The following LUZP2 variants were observed in gnomAD, a reference collection of about 807,000 sequenced individuals.
The protein encoded by LUZP2 is leucine zipper protein 2.
Under a neutral mutation model 51.6 loss-of-function variants are expected in LUZP2, and 52 were observed. The ratio of observed to expected loss-of-function variants is 1.01; its 90% confidence interval spans 0.81 to 1.27. LUZP2 has a LOEUF of 1.27. LUZP2 is among the 50% of genes most tolerant of loss of function. The pLI, the probability that LUZP2 is intolerant of heterozygous loss-of-function variation, is 0.00. For synonymous variants in LUZP2, 154 were observed against 137.3 expected (o/e 1.12, Z -0.85); for missense variants, 436 against 395.4 (o/e 1.10, Z -0.87).
At chr11:25,060,500 T>C (rs1287457341) in intron 10 of LUZP2, among the ~76,000 whole-genome samples, 4 of 152,206 alleles carry the variant, frequency 2.6e-5, no homozygotes, top group African/African-American at 9.6e-5. Context: ...ACATAAATAT[T>C]CAGATAGCAG....
At chr11:24,654,669 C>A (rs1309118532) in intron 1 of LUZP2, among the ~76,000 whole-genome samples, 3 of 120,934 alleles carry the variant, frequency 2.5e-5, no homozygotes, top group African/African-American at 6.2e-5. Context: ...GGATTACAGG[C>A]GTGCACCACG....
chr11:24,927,238 G>T (rs1854307771), intron 7 of LUZP2, among the ~76,000 whole-genome samples: 1 of 151,580 alleles, frequency 6.6e-6, no homozygotes, highest in Non-Finnish European at 1.5e-5. Context: ...TGTTTCTTTT[G>T]CTGTGCTGAA....
chr11:24,739,830 T>C (rs1329492150), intron 4 of LUZP2, among the ~76,000 whole-genome samples: 3 of 152,132 alleles, frequency 2.0e-5, no homozygotes, highest in African/African-American at 7.2e-5. Context: ...GATTCACTGT[T>C]ATCTGTTCTG....
At chr11:24,696,074 C>T (rs1331122569) in intron 1 of LUZP2, among the ~76,000 whole-genome samples, 1 of 152,026 alleles carries the variant, frequency 6.6e-6, no homozygotes, top group African/African-American at 2.4e-5. Flanking sequence ...AGTAATAGAC[C>T]TTGCACACAA....
intron 5 of LUZP2, among the ~76,000 whole-genome samples, chr11:24,896,820 A>G (rs965811381): frequency 3.9e-5 from 6 of 152,300 alleles, no homozygotes; most frequent in South Asian, 2.1e-4. Flanking sequence ...ATATGCACCA[A>G]TCAGCACTCT....
chr11:24,634,991 T>C (rs1855032649), intron 1 of LUZP2, among the ~76,000 whole-genome samples: 1 of 152,076 alleles, frequency 6.6e-6, no homozygotes, highest in African/African-American at 2.4e-5. Context: ...GTCATAATAA[T>C]AACGTTAAAC....
At chr11:24,556,034 T>A (rs1378921089) in intron 1 of LUZP2, among the ~76,000 whole-genome samples, 3 of 152,158 alleles carry the variant, frequency 2.0e-5, no homozygotes, top group African/African-American at 7.2e-5. Flanking sequence ...ATCCTGCTTT[T>A]ATGGGTGATT....
chr11:24,537,465 G>A (rs1294095446), intron 1 of LUZP2, among the ~76,000 whole-genome samples: 5 of 151,850 alleles, frequency 3.3e-5, no homozygotes. Context: ...AATTCTTGTA[G>A]TGTTTTCTAA....
rs939986817 is a variant in LUZP2, at chr11:24,933,353, C to T, written c.522+18815C>T. 4.6e-5 allele frequency among the ~76,000 whole-genome samples: 7 copies of T among 152,074 alleles called. No homozygotes were observed. In the East Asian group the frequency reaches 5.8e-4, roughly 13 times the overall value. On this transcript the variant is annotated intron_variant, in intron 7 of 11. Coordinates refer to ENST00000336930, the MANE Select transcript of LUZP2 (RefSeq NM_001009909.4). ...AGTCCTGCCTCCTATCCACCATTTTCGCTGGAATCTCAAAGTATTGAAATT... is the reference window on the plus strand; with the variant it reads ...AGTCCTGCCTCCTATCCACCATTTTTGCTGGAATCTCAAAGTATTGAAATT...
Position 24,881,039 on chromosome 11 carries a change from T to A in LUZP2, c.397-24952T>A, listed in dbSNP as rs1852450331. Among the ~76,000 whole-genome samples, 4 of 152,082 alleles carry A rather than the reference T, an allele frequency of 2.6e-5. No individual in the cohort carries two copies. The South Asian group carries it at 8.3e-4, about 32-fold the overall frequency. On this transcript the variant is annotated intron_variant, in intron 5 of 11. Coordinates refer to ENST00000336930, the MANE Select transcript of LUZP2 (RefSeq NM_001009909.4). ...GAATCTGGGCTTTGGAGACAGAAGATCTGATGTAGGTCAAGAACAGGGTTT... is the reference window on the plus strand; with the variant it reads ...GAATCTGGGCTTTGGAGACAGAAGAACTGATGTAGGTCAAGAACAGGGTTT...
chr11:25,041,507 T>C (rs1858058744), intron 9 of LUZP2, among the ~76,000 whole-genome samples: 1 of 152,118 alleles, frequency 6.6e-6, no homozygotes, highest in African/African-American at 2.4e-5. Context: ...AGAAATAAAA[T>C]CCATCTCATT....
chr11:25,070,337 A>G (rs1859116761), intron 10 of LUZP2, among the ~76,000 whole-genome samples: 1 of 152,020 alleles, frequency 6.6e-6, no homozygotes, highest in Non-Finnish European at 1.5e-5. Context: ...ATGTGGAGCC[A>G]GTAAATAGAC....
At chr11:24,537,473 T>C (rs1206372623) in intron 1 of LUZP2, among the ~76,000 whole-genome samples, 1 of 151,916 alleles carries the variant, frequency 6.6e-6, no homozygotes, top group Non-Finnish European at 1.5e-5. Flanking sequence ...TAGTGTTTTC[T>C]AAACAATATT....
chr11:25,021,536 G>C (rs1857333491), intron 9 of LUZP2, among the ~76,000 whole-genome samples: 1 of 151,816 alleles, frequency 6.6e-6, no homozygotes, highest in Admixed American at 6.6e-5. Context: ...AGGGACAGTA[G>C]GTGCTTGAGA....
At chr11:24,671,143 T>C (rs963933785) in intron 1 of LUZP2, among the ~76,000 whole-genome samples, 1 of 151,964 alleles carries the variant, frequency 6.6e-6, no homozygotes, top group Non-Finnish European at 1.5e-5. Context: ...TTAGGTTTGA[T>C]AGAAATGACA....
At chr11:24,760,672 G>T (rs1210137988) in intron 4 of LUZP2, among the ~76,000 whole-genome samples, 4 of 152,128 alleles carry the variant, frequency 2.6e-5, no homozygotes, top group Non-Finnish European at 5.9e-5. Context: ...AAAGAAAAAA[G>T]TGTTAACAGG....
chr11:24,834,539 G>A (rs900521983), intron 5 of LUZP2, among the ~76,000 whole-genome samples: 2 of 152,174 alleles, frequency 1.3e-5, no homozygotes, highest in African/African-American at 2.4e-5. Context: ...ATTGTAAATA[G>A]TGGTACAATA....
intron 5 of LUZP2, among the ~76,000 whole-genome samples, chr11:24,849,032 A>G (rs2134217258): frequency 6.6e-6 from 1 of 152,234 alleles, no homozygotes; most frequent in African/African-American, 2.4e-5. Flanking sequence ...GAACAAGAAA[A>G]TGATGCCAAT....
intron 1 of LUZP2, among the ~76,000 whole-genome samples, chr11:24,688,161 A>G (rs1296246201): frequency 6.6e-6 from 1 of 152,192 alleles, no homozygotes; most frequent in Non-Finnish European, 1.5e-5. Flanking sequence ...GAGAAACAAC[A>G]AAAACAAGCA....
Sources: allele counts gnomAD v4.1 joint callset (sites outside exome capture counted in the v4.1 genomes callset), GRCh38; gene constraint gnomAD v4.1.1; transcripts MANE v1.5; gene names NCBI Gene and HGNC (gene_info 2026-07-23, HGNC 2026-07-21).